Variants in UPF1 observed in about 807,000 individuals in gnomAD.
UPF1 encodes UPF1 RNA helicase and ATPase, also known as regulator of nonsense transcripts 1.
In UPF1, 9 loss-of-function variants were observed where a neutral mutation model predicts 129.2. The observed-to-expected ratio is 0.07, with a 90% confidence interval of 0.04 to 0.12. The LOEUF (loss-of-function observed/expected upper bound fraction) is 0.12, where lower values mean the gene tolerates loss of function less well. Among genes scored for constraint, UPF1 ranks in the 10% least tolerant of loss-of-function variants. The pLI, the probability that UPF1 is intolerant of heterozygous loss-of-function variation, is 1.00. For synonymous variants in UPF1, 649 were observed against 644.9 expected (o/e 1.01, Z -0.10); for missense variants, 788 against 1,525.3 (o/e 0.52, Z 8.05).
intron 15 of UPF1, among the ~76,000 whole-genome samples, chr19:18,857,960 T>C (rs1040578654): frequency 1.3e-5 from 2 of 152,344 alleles, no homozygotes; most frequent in East Asian, 3.9e-4. Flanking sequence ...CTGCCCTTTT[T>C]CACTCTGCTG....
intron 1 of UPF1, among the ~76,000 whole-genome samples, chr19:18,841,300 C>T (rs770550769): frequency 2.6e-5 from 4 of 152,042 alleles, no homozygotes; most frequent in Non-Finnish European, 5.9e-5. Context: ...GTCCTTTCAC[C>T]TTTGTGTCTG....
chr19:18,851,925 G>A lies in UPF1; in HGVS notation c.811-210G>A, dbSNP rs1202886100. 1.3e-5 allele frequency among the ~76,000 whole-genome samples: 2 copies of A among 152,232 alleles called. No homozygotes were observed. The highest frequency in any genetic ancestry group is 4.8e-5 in the African/African-American group (2 of 41,460). ...CAGCTGAGGCCCAGGCATGGGCCAG[G>A]CCGGTGTGCAGCTCCCTGTGTGGCA... On this transcript the variant is annotated intron_variant, in intron 5 of 23. Coordinates refer to ENST00000262803, the MANE Select transcript of UPF1 (RefSeq NM_002911.4). This position sits in a 1 kb window ranked among gnomAD's most constrained non-coding sequence, Gnocchi z 4.2.
At chr19:18,854,147 T>G (rs1270670066) in intron 8 of UPF1, among the ~76,000 whole-genome samples, 2 of 152,000 alleles carry the variant, frequency 1.3e-5, no homozygotes, top group Non-Finnish European at 1.5e-5. Flanking sequence ...CTGGGAGGGG[T>G]GTTGTTTCTG....
chr19:18,856,033 C>T lies in UPF1; in HGVS notation c.1653C>T (p.Ala551=). Residue 551 remains alanine (A), a synonymous_variant, in exon 12 of 24, where the codon GCC becomes GCT. Coordinates refer to ENST00000262803, the MANE Select transcript of UPF1 (RefSeq NM_002911.4). ...GCCTCTGCGCCAAGAGCCGTGAGGC[C>T]ATCGACTCCCCGGTGTCTTTTCTGG... ...VVRLCAKSRE[A]IDSPVSFLAL... is the part of the protein sequence containing the mutation. 1 of 1,614,100 alleles carries T rather than the reference C, an allele frequency of 6.2e-7. No homozygotes were observed.
chr19:18,855,056 C>T lies in UPF1; in HGVS notation c.1425+18C>T, dbSNP rs375337243. On this transcript the variant is annotated intron_variant, in intron 10 of 23. Transcript: ENST00000262803. ...ACTCCCAGGTGCGCGCCGTCCTCAG[C>T]GCGCGGGGCCTCGCCCATGGGCCGG... The T allele has an allele frequency of 1.6e-4, 258 of 1,612,970 alleles. No individual in the cohort carries two copies. The highest frequency in any genetic ancestry group is 9.9e-4 in the Middle Eastern group (6 of 6,058).
rs968833292 is a variant in UPF1 at position 18,865,856 on chromosome 19, C to G, written c.3237+78C>G. 5 of 1,593,444 alleles carry G rather than the reference C, an allele frequency of 3.1e-6. 1 individual carries two copies. In the South Asian group the frequency reaches 3.3e-5, roughly 11 times the overall value. ...CTGAAACATTCCCTCTGAAGAGCCC[C>G]AGAGAGCTGGCCTGGCCCATGTCCA... is the stretch of plus-strand genomic sequence containing the variant. On this transcript the variant is annotated intron_variant, in intron 22 of 23. Transcript: ENST00000262803. This position sits in a 1 kb window ranked among gnomAD's most constrained non-coding sequence, Gnocchi z 6.1.
intron 11 of UPF1, chr19:18,855,462 T>G: frequency 1.6e-6 from 1 of 615,974 alleles, no homozygotes. Flanking sequence ...TTTAGAAAAC[T>G]GGGGGCAGGG....
rs1429054971 is a variant in UPF1, at chr19:18,865,492, G to C, written c.3019+42G>C. On this transcript the variant is annotated intron_variant, in intron 21 of 23. Transcript: ENST00000262803. This position sits in a 1 kb window ranked among gnomAD's most constrained non-coding sequence, Gnocchi z 6.1. ...GCGGCTGGGTGTGGCCCTCCTGAGAGCTCTTGAGGGTGTGCTTGTCTGCGA... is the reference window on the plus strand; with the variant it reads ...GCGGCTGGGTGTGGCCCTCCTGAGACCTCTTGAGGGTGTGCTTGTCTGCGA... 6.2e-7 allele frequency: 1 copy of C among 1,611,818 alleles called. No homozygotes were observed. Among genetic ancestry groups the C allele is most frequent in the South Asian group, 1.1e-5 (1 of 91,048 alleles).
At chr19:18,843,303 G>C (rs1031473293) in intron 1 of UPF1, among the ~76,000 whole-genome samples, 1 of 152,070 alleles carries the variant, frequency 6.6e-6, no homozygotes, top group African/African-American at 2.4e-5. Context: ...TTGAGGTGGG[G>C]TCAGAGGATG....
chr19:18,845,671 C>T (rs115535010), intron 1 of UPF1, among the ~76,000 whole-genome samples: 39 of 152,184 alleles, frequency 2.6e-4, no homozygotes, highest in African/African-American at 8.0e-4. Context: ...CACCCTGCTC[C>T]TTGTGGTCCT....
chr19:18,863,371 CTCT>C, intron 18 of UPF1, 64 bp from the exon 19 acceptor site: 2 of 1,575,644 alleles, frequency 1.3e-6, no homozygotes, highest in Admixed American at 3.4e-5. Flanking sequence ...GCAGCCTTGC[CTCT>C]TGGACCGTCC....
At chr19:18,864,568 A>T (rs1389166423) in intron 20 of UPF1, among the ~76,000 whole-genome samples, 1 of 152,034 alleles carries the variant, frequency 6.6e-6, no homozygotes, top group Non-Finnish European at 1.5e-5. Flanking sequence ...TCCTTTGGTA[A>T]ATGCAGGGTG....
chr19:18,853,421 T>C lies in UPF1; in HGVS notation c.1156+71T>C. On this transcript the variant is annotated intron_variant, in intron 8 of 23. Coordinates refer to ENST00000262803, the MANE Select transcript of UPF1 (RefSeq NM_002911.4). The surrounding 1 kb of genome is among the most constrained non-coding windows in gnomAD (Gnocchi z 4.4). The stretch of plus-strand genomic sequence containing the variant: ...AGTGGGGGCATCAGGTGGAGGCCAC[T>C]GTGGATTTGATGCTCACTGCTGGGC... 7.0e-7 allele frequency: 1 copy of C among 1,431,992 alleles called. No individual in the cohort carries two copies. Among genetic ancestry groups the C allele is most frequent in the Non-Finnish European group, 9.4e-7 (1 of 1,060,012 alleles). 88.7% of individuals were successfully genotyped at this position (1,431,992 alleles called of 1,614,324 possible).
intron 6 of UPF1, among the ~76,000 whole-genome samples, chr19:18,852,534 T>G (rs188572499): frequency 6.6e-6 from 1 of 152,328 alleles, no homozygotes; most frequent in Non-Finnish European, 1.5e-5. Context: ...TCTTTCCCAG[T>G]GGGGTCCACA....
chr19:18,838,779 C>T lies in UPF1; in HGVS notation c.231+6339C>T, dbSNP rs1443996618. Among the ~76,000 whole-genome samples, 70 of 152,182 alleles carry T rather than the reference C, an allele frequency of 4.6e-4. 1 individual carries two copies. The highest frequency in any genetic ancestry group is 4.6e-3 in the Admixed American group (70 of 15,276). On this transcript the variant is annotated intron_variant, in intron 1 of 23. Coordinates refer to ENST00000262803, the MANE Select transcript of UPF1 (RefSeq NM_002911.4). ...GGAGGAGTGTTGGCAAGTGTTTGGT[C>T]AGCACTTACCCCTTAGTAGACTTAC... is the stretch of plus-strand genomic sequence containing the variant.
At chr19:18,855,292 G>A (rs1385410365) in intron 11 of UPF1, 50 bp downstream of exon 11, 1 of 1,584,354 alleles carries the variant, frequency 6.3e-7, no homozygotes, top group East Asian at 2.2e-5. Flanking sequence ...GCTTTAGGGT[G>A]GCCAGATGGA....
At chr19:18,859,015 C>T (rs1273762740) in intron 15 of UPF1, among the ~76,000 whole-genome samples, 4 of 152,148 alleles carry the variant, frequency 2.6e-5, no homozygotes, top group African/African-American at 7.2e-5. Context: ...GGCTCAGAGC[C>T]CACCCCCCGG....
rs2055597074 is a variant in UPF1, at chr19:18,846,232, G to C, written c.371+113G>C. 14 of 1,473,210 alleles carry C rather than the reference G, an allele frequency of 9.5e-6. No individual in the cohort carries two copies. The South Asian group carries it at 1.6e-4, about 16-fold the overall frequency. 91.3% of individuals were successfully genotyped at this position (1,473,210 alleles called of 1,614,324 possible). A position where few individuals can be genotyped will look rare whatever the true frequency, so the allele number is the denominator to read the frequency against. On this transcript the variant is annotated intron_variant, in intron 2 of 23. Transcript: ENST00000262803. ...GGTGGCGCCCTTGTGCTGTGACTCT[G>C]GGTGGCGGTGTCCTCGGGAGTAAGG...
chr19:18,846,858 C>T (rs1156900860), intron 2 of UPF1, among the ~76,000 whole-genome samples: 1 of 152,142 alleles, frequency 6.6e-6, no homozygotes. Flanking sequence ...AGCATGGTGG[C>T]GGGCGCCTGT....
Sources: gnomAD v4.1 joint callset for allele counts (sites outside exome capture counted in the v4.1 genomes callset) on GRCh38, gnomAD v4.1.1 for gene constraint, Gnocchi (gnomAD v3.1) non-coding constraint, MANE v1.5 for transcripts, NCBI Gene and HGNC (gene_info 2026-07-23, HGNC 2026-07-21) for gene names.